Variants in SLC26A8 observed in about 807,000 individuals in gnomAD.
SLC26A8 encodes testis anion transporter 1.
Under a neutral mutation model 105.0 loss-of-function variants are expected in SLC26A8, and 70 were observed. The ratio of observed to expected loss-of-function variants is 0.67; its 90% CI spans 0.55 to 0.81. SLC26A8 has a LOEUF of 0.81. Among genes scored for constraint, SLC26A8 ranks in the 40% least tolerant of loss-of-function variants. The pLI, the probability that SLC26A8 is intolerant of heterozygous loss-of-function variation, is 0.00. For missense variants in SLC26A8, 998 were observed against 1,181.8 expected (o/e 0.84, Z 2.28); for synonymous variants, 415 against 438.3 (o/e 0.95, Z 0.66).
intron 17 of SLC26A8, among the ~76,000 whole-genome samples, chr6:35,953,432 C>T (rs1276893224): frequency 6.6e-6 from 1 of 152,162 alleles, no homozygotes; most frequent in Admixed American, 6.5e-5. Context: ...GCCTCAGACT[C>T]TTAGGGGAAA....
In SLC26A8 at chr6:35,977,203, C is replaced by G. The variant is rs777568963; in HGVS notation, c.1173+1G>C. 6.2e-7 allele frequency: 1 copy of G among 1,612,948 alleles called. No individual in the cohort carries two copies. Among genetic ancestry groups the G allele is most frequent in the Admixed American group, 1.7e-5 (1 of 59,772 alleles). On this transcript the variant is annotated splice_donor_variant, in intron 9 of 19. Transcript: ENST00000490799. LOFTEE classifies it high-confidence loss of function. ...ATCAGAGGAAGTAGTAGTCCTCTCA[C>G]CTGGTTGGAATTGACACTGTAATTG...
chr6:36,021,575 G>T (rs747878852), intron 1 of SLC26A8, among the ~76,000 whole-genome samples: 5 of 152,140 alleles, frequency 3.3e-5, no homozygotes, highest in Non-Finnish European at 5.9e-5. Flanking sequence ...GTCAAGGAGT[G>T]GTGGGAACAG....
Position 36,019,445 on chromosome 6 carries a change from A to G in SLC26A8, c.188+75T>C, listed in dbSNP as rs851035. The G allele has an allele frequency of 0.7, 990,722 of 1,413,564 alleles. 350,708 individuals are homozygous for G. Among genetic ancestry groups the G allele is most frequent in the Middle Eastern group, 0.76 (2,914 of 3,840 alleles). The allele number at this position is 1,413,564 out of a possible 1,614,324, so 87.6% of individuals were successfully genotyped here. A position where few individuals can be genotyped will look rare whatever the true frequency, so the allele number is the denominator to read the frequency against. On this transcript the variant is annotated intron_variant, in intron 2 of 19. Coordinates refer to ENST00000490799, the MANE Select transcript of SLC26A8 (RefSeq NM_052961.4). ...ACAGGAACTCAGACAAGAAAGAGAA[A>G]CGGACCCCAAAGGAGTCAGGTTAGG...
intron 10 of SLC26A8, among the ~76,000 whole-genome samples, chr6:35,971,782 GCATTCATTTCTCTCTTTTACAATAA>G (rs961807370): frequency 1.3e-5 from 2 of 152,174 alleles, no homozygotes; most frequent in Non-Finnish European, 2.9e-5. Flanking sequence ...AGAATGCAAT[GCATTCATTTCTCTCTTTTACAATAA>G]CCCATTTTTA....
At position 35,944,130 on chromosome 6, in the gene SLC26A8, T is replaced by TGGTCTCGGTCTC; in HGVS notation, c.2671_2682dup (p.Glu891_Thr894dup). 1 of 1,614,094 alleles carries TGGTCTCGGTCTC rather than the reference T, an allele frequency of 6.2e-7. No individual in the cohort carries two copies. The highest frequency in any genetic ancestry group is 1.1e-5 in the South Asian group (1 of 91,074). On this transcript the variant is annotated inframe_insertion, in exon 20 of 20. Transcript: ENST00000490799. The stretch of plus-strand genomic sequence containing the variant: ...TGGGGCTCCATCTCGGTCTGGGTCT[T>TGGTCTCGGTCTC]GGTCTCGGTCTCAGCCTTGGGCTCC...
At chr6:36,007,400 C>T (rs1045760133) in intron 3 of SLC26A8, among the ~76,000 whole-genome samples, 8 of 152,076 alleles carry the variant, frequency 5.3e-5, no homozygotes, top group Non-Finnish European at 7.4e-5. Flanking sequence ...TAACAAAACA[C>T]GTAGGATCTC....
intron 2 of SLC26A8, among the ~76,000 whole-genome samples, chr6:36,018,561 A>G (rs1762051023): frequency 6.6e-6 from 1 of 152,218 alleles, no homozygotes; most frequent in African/African-American, 2.4e-5. Flanking sequence ...GAGGTGATGA[A>G]AAAGTTTTGG....
At chr6:35,986,289 C>A (rs1773523109) in intron 7 of SLC26A8, among the ~76,000 whole-genome samples, 2 of 152,254 alleles carry the variant, frequency 1.3e-5, no homozygotes, top group East Asian at 3.9e-4. Context: ...GCGCCTCGGC[C>A]TCCCAAAGTG....
intron 10 of SLC26A8, among the ~76,000 whole-genome samples, chr6:35,975,126 C>T (rs900485472): frequency 1.2e-4 from 19 of 152,060 alleles, no homozygotes; most frequent in African/African-American, 4.3e-4. Flanking sequence ...GGCTAATATA[C>T]GGAAACCTCT....
At chr6:35,952,473 A>G (rs1408813773) in intron 17 of SLC26A8, among the ~76,000 whole-genome samples, 1 of 152,228 alleles carries the variant, frequency 6.6e-6, no homozygotes, top group Non-Finnish European at 1.5e-5. Context: ...ACTTCAAAGC[A>G]AATCAATATC....
intron 2 of SLC26A8, among the ~76,000 whole-genome samples, chr6:36,014,197 C>T (rs952191744): frequency 2.4e-4 from 36 of 152,186 alleles, no homozygotes; most frequent in African/African-American, 8.2e-4. Context: ...GTTCCTTCAC[C>T]TGGTTCAGTC....
chr6:36,022,288 A>G (rs1762146305), intron 1 of SLC26A8, among the ~76,000 whole-genome samples: 1 of 152,204 alleles, frequency 6.6e-6, no homozygotes, highest in Admixed American at 6.5e-5. Context: ...TTTCAGCAGA[A>G]GTAGTAATAC....
chr6:35,960,962 T>G, intron 13 of SLC26A8, 31 bp downstream of exon 13: 1 of 1,613,852 alleles, frequency 6.2e-7, no homozygotes, highest in South Asian at 1.1e-5. Context: ...TACCTTGCCT[T>G]GTTAACCTCC....
intron 7 of SLC26A8, 46 bp from the exon 8 acceptor site, chr6:35,982,249 A>G: frequency 1.3e-6 from 2 of 1,573,478 alleles, no homozygotes; most frequent in Non-Finnish European, 1.7e-6. Flanking sequence ...TGAATACCTA[A>G]ATATAGTGCA....
intron 7 of SLC26A8, among the ~76,000 whole-genome samples, chr6:35,987,214 G>T (rs73729648): frequency 6.6e-6 from 1 of 152,126 alleles, no homozygotes; most frequent in Non-Finnish European, 1.5e-5. Context: ...GTATAAGTGG[G>T]TTATGCTGTG....
intron 16 of SLC26A8, among the ~76,000 whole-genome samples, chr6:35,955,949 A>G (rs1015165731): frequency 9.2e-5 from 14 of 152,118 alleles, no homozygotes; most frequent in African/African-American, 3.4e-4. Flanking sequence ...TAAGACAAAA[A>G]GCACTTGAAG....
intron 1 of SLC26A8, among the ~76,000 whole-genome samples, chr6:36,022,961 C>T (rs1016975351): frequency 6.7e-6 from 1 of 148,912 alleles, no homozygotes; most frequent in Non-Finnish European, 1.5e-5. Context: ...CTGCTGGGCC[C>T]CCAGAGATTC....
chr6:36,004,679 T>G (rs1761632676), intron 3 of SLC26A8, among the ~76,000 whole-genome samples: 1 of 71,576 alleles, frequency 1.4e-5, no homozygotes, highest in Non-Finnish European at 3.1e-5. Context: ...TTTTTGTGTG[T>G]GACTGTCTTG....
At chr6:35,964,774 T>C (rs952635101) in intron 11 of SLC26A8, among the ~76,000 whole-genome samples, 7 of 152,024 alleles carry the variant, frequency 4.6e-5, no homozygotes, top group Non-Finnish European at 5.9e-5. Flanking sequence ...AAGACCAGCC[T>C]GGCCAACATA....
Sources: allele counts gnomAD v4.1 joint callset (sites outside exome capture counted in the v4.1 genomes callset), GRCh38; gene constraint gnomAD v4.1.1; transcripts MANE v1.5; gene names NCBI Gene and HGNC (gene_info 2026-07-23, HGNC 2026-07-21).